The following BSPH1 variants were observed in gnomAD, a reference collection of about 807,000 sequenced individuals.
The protein encoded by BSPH1 is binder of sperm protein homolog 1, also known as binder of sperm 1.
A neutral mutation model predicts 22.5 loss-of-function variants in BSPH1; 21 were observed. The ratio of observed to expected loss-of-function variants is 0.93; its 90% CI spans 0.66 to 1.35. BSPH1 has a LOEUF of 1.35. BSPH1 is among the 40% of genes most tolerant of loss of function. The pLI is 0.00. For synonymous variants in BSPH1, 42 were observed against 53.6 expected, an observed-to-expected ratio of 0.78 and a Z score of 0.95; for missense variants, 141 against 154.2, an observed-to-expected ratio of 0.91 and a Z score of 0.45.
At chr19:47,989,834 A>G (rs569612791) in intron 1 of BSPH1, among the ~76,000 whole-genome samples, 9 of 152,108 alleles carry the variant, frequency 5.9e-5, no homozygotes, top group Non-Finnish European at 1.3e-4. Context: ...TTAAGAGACA[A>G]TAGGCTGTGT....
At chr19:47,972,984 G>A (rs1307697412) in intron 5 of BSPH1, among the ~76,000 whole-genome samples, 3 of 151,662 alleles carry the variant, frequency 2.0e-5, no homozygotes, top group Non-Finnish European at 2.9e-5. Flanking sequence ...TTGGGAGGCC[G>A]AGGCGGGTGG....
intron 1 of BSPH1, among the ~76,000 whole-genome samples, chr19:47,987,209 C>T (rs1315364626): frequency 1.3e-5 from 2 of 152,234 alleles, no homozygotes; most frequent in South Asian, 4.2e-4. Flanking sequence ...AGGATGAAGA[C>T]GAAGAATTTG....
intron 3 of BSPH1, among the ~76,000 whole-genome samples, chr19:47,978,305 A>G (rs898164709): frequency 1.3e-5 from 2 of 151,922 alleles, no homozygotes; most frequent in Non-Finnish European, 2.9e-5. Flanking sequence ...AGATCTCACT[A>G]TGTTGGCCAG....
downstream of BSPH1, among the ~76,000 whole-genome samples, chr19:47,967,869 T>C (rs188635191): frequency 2.2e-4 from 33 of 152,268 alleles, no homozygotes; most frequent in Admixed American, 1.2e-3. Context: ...AGAAGTTATA[T>C]GTCAACCCAT....
At chr19:47,968,481 C>T (rs894297733) in intron 5 of BSPH1, among the ~76,000 whole-genome samples, 1 of 151,528 alleles carries the variant, frequency 6.6e-6, no homozygotes, top group African/African-American at 2.4e-5. Flanking sequence ...CCTCAGCCTC[C>T]TGTGTAGCTG....
At chr19:47,990,279 T>G (rs1392616166) in intron 1 of BSPH1, among the ~76,000 whole-genome samples, 1 of 151,970 alleles carries the variant, frequency 6.6e-6, no homozygotes, top group Non-Finnish European at 1.5e-5. Context: ...GCCCATGAGT[T>G]TTTATTCTCT....
In BSPH1 at chr19:47,976,867, A is replaced by G; in HGVS notation, c.257-13T>C. ...CAGTTTGCAAAATCTGCAGAGGAGG[A>G]AGAGGAAGAAGCAGAGTAAGAAACC... On this transcript the variant is annotated splice_polypyrimidine_tract_variant and intron_variant, in intron 4 of 5. Transcript: ENST00000344839. 10 of 1,550,924 alleles carry G rather than the reference A, an allele frequency of 6.4e-6. No individual in the cohort carries two copies. The highest frequency in any genetic ancestry group is 8.7e-6 in the Non-Finnish European group (10 of 1,146,682).
intron 1 of BSPH1, among the ~76,000 whole-genome samples, chr19:47,985,428 AAGAC>A (rs1479334864): frequency 6.6e-6 from 1 of 152,236 alleles, no homozygotes; most frequent in African/African-American, 2.4e-5. Flanking sequence ...AGGAGAAAGA[AAGAC>A]AAAGATTCTC....
At chr19:47,975,019 A>G (rs778632798) in intron 5 of BSPH1, among the ~76,000 whole-genome samples, 9 of 152,118 alleles carry the variant, frequency 5.9e-5, no homozygotes, top group Non-Finnish European at 8.8e-5. Context: ...ATCCCCTCAA[A>G]TCTACAAATC....
intron 1 of BSPH1, among the ~76,000 whole-genome samples, chr19:47,991,777 T>C (rs1600095901): frequency 2.1e-4 from 10 of 48,386 alleles, no homozygotes; most frequent in Non-Finnish European, 2.7e-4. Flanking sequence ...CTTCACCTCC[T>C]CCCCCCTTCT....
At chr19:47,979,462 A>G (rs995136983) in intron 3 of BSPH1, 108 bp downstream of exon 3, 36 of 597,554 alleles carry the variant, frequency 6.0e-5, no homozygotes, top group African/African-American at 5.9e-4. Flanking sequence ...CATTTTATAT[A>G]AGGAGAAAAA....
chr19:47,982,760 G>A (rs1969431083), intron 1 of BSPH1, among the ~76,000 whole-genome samples: 1 of 152,162 alleles, frequency 6.6e-6, no homozygotes, highest in South Asian at 2.1e-4. Flanking sequence ...ATACAATGGA[G>A]TATTATTCAG....
At chr19:47,980,480 T>C in intron 2 of BSPH1, 1 of 251,958 alleles carries the variant, frequency 4.0e-6, no homozygotes, top group Non-Finnish European at 5.9e-6. Flanking sequence ...CTTCTTTCTT[T>C]TTTTTTTTTT....
chr19:47,969,865 G>A (rs530207165), intron 5 of BSPH1, among the ~76,000 whole-genome samples: 2 of 151,982 alleles, frequency 1.3e-5, no homozygotes, highest in Non-Finnish European at 2.9e-5. Context: ...GAGACAGAGA[G>A]AGACTTTAGA....
intron 5 of BSPH1, among the ~76,000 whole-genome samples, chr19:47,974,539 G>A (rs1304050059): frequency 6.6e-6 from 1 of 151,844 alleles, no homozygotes; most frequent in Non-Finnish European, 1.5e-5. Context: ...CAAAGTGCTG[G>A]GATTACAGGC....
chr19:47,967,765 A>G (rs1390437445), downstream of BSPH1, among the ~76,000 whole-genome samples: 3 of 152,218 alleles, frequency 2.0e-5, no homozygotes. Context: ...TGAATTTTGG[A>G]AAGGACACAG....
intron 4 of BSPH1, 118 bp from the exon 5 acceptor site, chr19:47,976,972 T>C: frequency 1.0e-6 from 1 of 953,080 alleles, no homozygotes; most frequent in Non-Finnish European, 1.6e-6. Flanking sequence ...CGTGAACAAA[T>C]GTGCACACAT....
chr19:47,975,591 T>A (rs1286685058), intron 5 of BSPH1, among the ~76,000 whole-genome samples: 1 of 152,172 alleles, frequency 6.6e-6, no homozygotes, highest in Non-Finnish European at 1.5e-5. Flanking sequence ...CTACCTCAGG[T>A]ATCACCTCAG....
In BSPH1 at chr19:47,976,701, A is replaced by G. The variant is rs1476658349; in HGVS notation, c.*2+9T>C. On this transcript the variant is annotated intron_variant, in intron 5 of 5. Transcript: ENST00000344839. ...AACGTCTTCATCCCCCTCCCCTGGT[A>G]AATCTCACCATCATTCACAGTATTT... 2 of 1,550,914 alleles carry G rather than the reference A, an allele frequency of 1.3e-6. No individual in the cohort carries two copies. The highest frequency in any genetic ancestry group is 1.2e-5 in the South Asian group (1 of 84,020).
Sources: gnomAD v4.1 joint callset for allele counts (sites outside exome capture counted in the v4.1 genomes callset) on GRCh38, gnomAD v4.1.1 for gene constraint, MANE v1.5 for transcripts, NCBI Gene and HGNC (gene_info 2026-07-23, HGNC 2026-07-21) for gene names.